PRKCA: variants seen among roughly 807,000 people sequenced by gnomAD.
PRKCA encodes the protein protein kinase C alpha type.
PRKCA carries 27 observed loss-of-function variants against 87.0 expected under a neutral mutation model. The ratio of observed to expected loss-of-function variants is 0.31; its 90% confidence interval spans 0.23 to 0.43. The LOEUF is 0.43. Ranked by LOEUF, PRKCA falls within the 20% of genes least tolerant of loss-of-function variation. The pLI, the probability that PRKCA is intolerant of heterozygous loss-of-function variation, is 1.00. For missense variants in PRKCA, 518 were observed against 852.3 expected, an observed-to-expected ratio of 0.61 and a Z score of 4.88; for synonymous variants, 329 against 311.1, an observed-to-expected ratio of 1.06 and a Z score of -0.61.
chr17:66,720,015 T>G (rs1973573947), intron 8 of PRKCA, among the ~76,000 whole-genome samples: 1 of 152,234 alleles, frequency 6.6e-6, no homozygotes, highest in Non-Finnish European at 1.5e-5. Flanking sequence ...AACACCATCC[T>G]AGGCACTGGA....
At position 66,742,736 on chromosome 17, in the gene PRKCA, G is replaced by A. The variant is rs1331734907; in HGVS notation, c.1500G>A (p.Gly500=). The part of the protein sequence containing the change: ...MDGVTTRTFC[G]TPDYIAPEII... ...GAGTCACGACCAGGACCTTCTGTGG[G>A]ACTCCAGATTATATCGCCCCAGAGG... The change falls in exon 13 of 17, where the codon GGG becomes GGA. Residue 500 remains glycine (G), a synonymous_variant. Coordinates refer to ENST00000413366, the MANE Select transcript of PRKCA (RefSeq NM_002737.3). 1 of 1,614,106 alleles carries A rather than the reference G, an allele frequency of 6.2e-7. No individual in the cohort carries two copies. Among genetic ancestry groups the A allele is most frequent in the Non-Finnish European group, 8.5e-7 (1 of 1,180,026 alleles).
chr17:66,650,325 G>A (rs528388276), intron 5 of PRKCA, among the ~76,000 whole-genome samples: 2 of 151,478 alleles, frequency 1.3e-5, no homozygotes, highest in African/African-American at 2.4e-5. Flanking sequence ...GCCTTTGGGC[G>A]GTGGTGCTGA....
At chr17:66,611,217 C>T (rs227915) in intron 3 of PRKCA, among the ~76,000 whole-genome samples, 25,932 of 152,110 alleles carry the variant, frequency 0.17, 2,262 homozygotes, top group South Asian at 0.28. Context: ...ATAAGCTTCA[C>T]CCATTTAAAG....
intron 2 of PRKCA, among the ~76,000 whole-genome samples, chr17:66,332,694 A>T (rs1245657584): frequency 9.0e-6 from 1 of 111,548 alleles, no homozygotes; most frequent in Non-Finnish European, 1.9e-5. Flanking sequence ...TTTTGTTTTT[A>T]ATTTTTTTTT....
At chr17:66,363,696 A>ATTTG (rs774978564) in intron 2 of PRKCA, among the ~76,000 whole-genome samples, 127 of 151,718 alleles carry the variant, frequency 8.4e-4, no homozygotes, top group Non-Finnish European at 1.3e-3. Flanking sequence ...GGATGGGCTT[A>ATTTG]TTTATTTATT....
At chr17:66,642,102 A>G (rs1035176486) in intron 4 of PRKCA, among the ~76,000 whole-genome samples, 3 of 152,044 alleles carry the variant, frequency 2.0e-5, no homozygotes, top group Non-Finnish European at 2.9e-5. Flanking sequence ...AGGAGGAAAG[A>G]AAAGCAACTA....
At chr17:66,480,323 G>A (rs1057324755) in intron 2 of PRKCA, among the ~76,000 whole-genome samples, 5 of 152,106 alleles carry the variant, frequency 3.3e-5, no homozygotes, top group African/African-American at 1.2e-4. Flanking sequence ...ATTATGTGGT[G>A]TTCCACGTCC....
At chr17:66,566,480 GTT>G (rs56912157) in intron 3 of PRKCA, among the ~76,000 whole-genome samples, 132 of 97,024 alleles carry the variant, frequency 1.4e-3, no homozygotes, top group Non-Finnish European at 2.2e-3. Flanking sequence ...TTGTTTTTTG[GTT>G]TTTTTTTTTT....
intron 14 of PRKCA, 25 bp downstream of exon 14, chr17:66,774,092 T>C (rs1568025918): frequency 1.2e-6 from 2 of 1,613,898 alleles, no homozygotes; most frequent in Non-Finnish European, 1.7e-6. Context: ...CATTTTCATG[T>C]TTGTTTATTG....
intron 3 of PRKCA, among the ~76,000 whole-genome samples, chr17:66,619,461 GA>G (rs1970612479): frequency 6.6e-6 from 1 of 152,188 alleles, no homozygotes; most frequent in African/African-American, 2.4e-5. Flanking sequence ...TTTTCCTCTG[GA>G]AGGAAGTGAC....
chr17:66,748,095 G>A (rs1194948588), intron 13 of PRKCA, among the ~76,000 whole-genome samples: 3 of 152,226 alleles, frequency 2.0e-5, no homozygotes, highest in Non-Finnish European at 4.4e-5. Flanking sequence ...AATTTCCAGG[G>A]AAGAAGCTTG....
At chr17:66,613,426 C>T (rs733506) in intron 3 of PRKCA, among the ~76,000 whole-genome samples, 86 of 152,262 alleles carry the variant, frequency 5.6e-4, no homozygotes, top group Admixed American at 3.4e-3. Flanking sequence ...TTCCAGACTC[C>T]ACTAGTTTCC....
chr17:66,558,803 G>A (rs116627466), intron 3 of PRKCA, among the ~76,000 whole-genome samples: 3,895 of 152,234 alleles, frequency 0.026, 132 homozygotes, highest in East Asian at 0.15. Context: ...GGTGGTGGCA[G>A]CGAAAGCAGC....
At chr17:66,410,797 A>G (rs1045968722) in intron 2 of PRKCA, among the ~76,000 whole-genome samples, 15 of 152,174 alleles carry the variant, frequency 9.9e-5, no homozygotes, top group African/African-American at 2.9e-4. Flanking sequence ...ACTGGTCTCA[A>G]ACTCCTGACC....
At chr17:66,422,354 A>G (rs1912543636) in intron 2 of PRKCA, among the ~76,000 whole-genome samples, 1 of 152,150 alleles carries the variant, frequency 6.6e-6, no homozygotes. Flanking sequence ...TAATTATTTG[A>G]TGTGTCATGG....
In PRKCA at chr17:66,743,003, G is replaced by A. The variant is rs550020880; in HGVS notation, c.1524+243G>A. 1.6e-3 allele frequency among the ~76,000 whole-genome samples: 245 copies of A among 152,328 alleles called. 1 individual carries two copies. Among genetic ancestry groups the A allele is most frequent in the Non-Finnish European group, 2.9e-3 (197 of 68,028 alleles). On this transcript the variant is annotated intron_variant, in intron 13 of 16. Coordinates refer to ENST00000413366, the MANE Select transcript of PRKCA (RefSeq NM_002737.3). ...ATGTGAGCCAGTTGCTTGGGAAAAT[G>A]TATTTGTTACATGGTCATGGTCAAA...
intron 3 of PRKCA, among the ~76,000 whole-genome samples, chr17:66,576,050 G>C (rs1969228769): frequency 6.6e-6 from 1 of 152,134 alleles, no homozygotes; most frequent in Non-Finnish European, 1.5e-5. Context: ...GGAGGTGGAG[G>C]TTGCAGTGAG....
At chr17:66,517,753 G>A (rs778703769) in intron 3 of PRKCA, among the ~76,000 whole-genome samples, 1 of 152,150 alleles carries the variant, frequency 6.6e-6, no homozygotes, top group Non-Finnish European at 1.5e-5. Context: ...AGTTCTTGGC[G>A]CAAGTGCCAT....
At chr17:66,370,716 A>G (rs1909057329) in intron 2 of PRKCA, among the ~76,000 whole-genome samples, 1 of 151,906 alleles carries the variant, frequency 6.6e-6, no homozygotes, top group Admixed American at 6.6e-5. Flanking sequence ...ATGCCCGGCT[A>G]ACATTTTATG....
Sources: gnomAD v4.1 joint callset for allele counts (sites outside exome capture counted in the v4.1 genomes callset) on GRCh38, gnomAD v4.1.1 for gene constraint, MANE v1.5 for transcripts, NCBI Gene and HGNC (gene_info 2026-07-23, HGNC 2026-07-21) for gene names.